Variants in JADE2 observed in about 807,000 individuals in gnomAD.
JADE2 encodes jade family PHD finger 2, also known as E3 ubiquitin-protein ligase Jade-2.
Under a neutral mutation model 85.7 loss-of-function variants are expected in JADE2, and 13 were observed. The observed-to-expected ratio is 0.15, with a 90% confidence interval of 0.10 to 0.24. JADE2 has a LOEUF of 0.24. Ranked by LOEUF, JADE2 falls within the 10% of genes least tolerant of loss-of-function variation. The pLI, the probability that JADE2 is intolerant of heterozygous loss-of-function variation, is 1.00. For missense variants in JADE2, 846 were observed against 1,115.9 expected, an observed-to-expected ratio of 0.76 and a Z score of 3.45; for synonymous variants, 440 against 456.1, an observed-to-expected ratio of 0.96 and a Z score of 0.45.
intron 7 of JADE2, among the ~76,000 whole-genome samples, chr5:134,563,242 C>T (rs987340753): frequency 1.3e-5 from 2 of 151,336 alleles, no homozygotes; most frequent in African/African-American, 2.4e-5. Context: ...CACTTGAACC[C>T]GAGAGACAGA....
At chr5:134,526,397 G>T in intron 1 of JADE2, 1 of 985,214 alleles carries the variant, frequency 1.0e-6, no homozygotes. Flanking sequence ...CGCGGGCTCC[G>T]GCCGGGCGTA....
Position 134,530,892 on chromosome 5 carries a change from T to C in JADE2, c.-1+4881T>C, listed in dbSNP as rs1561722001. On this transcript the variant is annotated intron_variant, in intron 1 of 11. Transcript: ENST00000681547. ...CAGCTGGACTGTGTGGTCCCGACAC[T>C]TCTTGGGGGAGGGAGCGAGAGCACA... is the stretch of plus-strand genomic sequence containing the variant. Among the ~76,000 whole-genome samples the C allele has an allele frequency of 2.6e-5, 4 of 152,236 alleles. No individual in the cohort carries two copies. The South Asian group carries it at 8.3e-4, about 32-fold the overall frequency.
chr5:134,534,784 G>A lies in JADE2; in HGVS notation c.1-1074G>A, dbSNP rs554784064. Among the ~76,000 whole-genome samples, 5 of 152,292 alleles carry A rather than the reference G, an allele frequency of 3.3e-5. No homozygotes were observed. In the South Asian group the frequency reaches 8.3e-4, roughly 25 times the overall value. On this transcript the variant is annotated intron_variant, in intron 1 of 11. Coordinates refer to ENST00000681547, the MANE Select transcript of JADE2 (RefSeq NM_001388185.1). Reference sequence around the variant, plus strand: ...CAGGGGAGCGTGCTCTGAACCCTGAGCCCCCAATGTGTTCCCACATTAGGA... The same window carrying A: ...CAGGGGAGCGTGCTCTGAACCCTGAACCCCCAATGTGTTCCCACATTAGGA...
chr5:134,535,676 C>G (rs1006467212), intron 1 of JADE2, among the ~76,000 whole-genome samples, 182 bp from the exon 2 acceptor site: 1 of 152,024 alleles, frequency 6.6e-6, no homozygotes, highest in Non-Finnish European at 1.5e-5. Context: ...TTTAGAATCC[C>G]AGGGCCTCTG....
rs1393177989 is a variant in JADE2 at position 134,581,380 on chromosome 5, A to T, written c.*2063A>T. 6.5e-6 allele frequency: 1 copy of T among 152,672 alleles called. No individual in the cohort carries two copies. The highest frequency in any genetic ancestry group is 6.5e-5 in the Admixed American group (1 of 15,276). 9.5% of individuals were successfully genotyped at this position (152,672 alleles called of 1,614,324 possible). On this transcript the variant is annotated 3_prime_UTR_variant, in exon 12 of 12. Coordinates refer to ENST00000681547, the MANE Select transcript of JADE2 (RefSeq NM_001388185.1). ...ATGCTTTGGGTCACCTCGGGCTGCA[A>T]CCCTGTCTGTGCCAGATTGCCCGGT...
At chr5:134,531,084 A>G (rs1761204148) in intron 1 of JADE2, among the ~76,000 whole-genome samples, 1 of 152,190 alleles carries the variant, frequency 6.6e-6, no homozygotes, top group South Asian at 2.1e-4. Context: ...ATTTCTTCAG[A>G]TAGTGTGATG....
intron 11 of JADE2, among the ~76,000 whole-genome samples, chr5:134,577,905 C>T (rs1334010342): frequency 6.6e-6 from 1 of 152,048 alleles, no homozygotes; most frequent in African/African-American, 2.4e-5. Context: ...TACCTGATCC[C>T]TTTATCCATG....
chr5:134,582,246 G>GT lies in JADE2; in HGVS notation c.*2932dup, dbSNP rs1249829255. 1.3e-5 allele frequency: 2 copies of GT among 152,210 alleles called. No individual in the cohort carries two copies. The highest frequency in any genetic ancestry group is 6.5e-5 in the Admixed American group (1 of 15,280). The allele number at this position is 152,210 out of a possible 1,614,324, so 9.4% of individuals were successfully genotyped here. ...AAATGAGAAGAAGAAAGGTAGAAGG[G>GT]TTTATTTTATTAAATGAGCCTGACT... On this transcript the variant is annotated 3_prime_UTR_variant, in exon 12 of 12. Transcript: ENST00000681547.
chr5:134,554,406 G>A (rs1237380705), intron 4 of JADE2, among the ~76,000 whole-genome samples: 1 of 152,124 alleles, frequency 6.6e-6, no homozygotes, highest in Non-Finnish European at 1.5e-5. Flanking sequence ...TGGGCACAGC[G>A]AGGTCAGTCT....
chr5:134,545,733 A>AAAACTTT (rs1278840224), intron 3 of JADE2, among the ~76,000 whole-genome samples: 2 of 152,228 alleles, frequency 1.3e-5, no homozygotes, highest in East Asian at 3.8e-4. Context: ...CGATATATGT[A>AAAACTTT]AAACTTTAAC....
chr5:134,531,434 A>T (rs927518918), intron 1 of JADE2, among the ~76,000 whole-genome samples: 61 of 152,008 alleles, frequency 4.0e-4, no homozygotes, highest in Non-Finnish European at 7.4e-4. Context: ...GCCTTTTAAA[A>T]TTTTTATTTT....
intron 1 of JADE2, among the ~76,000 whole-genome samples, chr5:134,529,019 A>G (rs1447591285): frequency 6.6e-6 from 1 of 152,174 alleles, no homozygotes; most frequent in East Asian, 1.9e-4. Context: ...GAGTATTGAC[A>G]CTGTATAGGC....
intron 10 of JADE2, chr5:134,575,585 G>C (rs1377309126): frequency 6.6e-6 from 1 of 152,172 alleles, no homozygotes; most frequent in Non-Finnish European, 1.5e-5. Context: ...TGCCTCCAGA[G>C]TATCTAGGCA....
chr5:134,550,131 T>C (rs1473934078), intron 3 of JADE2, among the ~76,000 whole-genome samples: 1 of 152,258 alleles, frequency 6.6e-6, no homozygotes, highest in African/African-American at 2.4e-5. Context: ...CATTCCATCT[T>C]CTGTTTAATT....
intron 4 of JADE2, among the ~76,000 whole-genome samples, chr5:134,555,373 G>A (rs569013802): frequency 1.4e-3 from 208 of 152,276 alleles, no homozygotes; most frequent in African/African-American, 4.7e-3. Flanking sequence ...GCCAGCTGAC[G>A]CCCTCCTCCC....
Position 134,578,379 on chromosome 5 carries a change from A to G in JADE2, c.1682-115A>G. 2 of 790,924 alleles carry G rather than the reference A, an allele frequency of 2.5e-6. No individual in the cohort carries two copies. Among genetic ancestry groups the G allele is most frequent in the South Asian group, 3.4e-5 (2 of 58,748 alleles). The allele number at this position is 790,924 out of a possible 1,614,324, so 49.0% of individuals were successfully genotyped here. A position where few individuals can be genotyped will look rare whatever the true frequency, so the allele number is the denominator to read the frequency against. On this transcript the variant is annotated intron_variant, in intron 11 of 11. Coordinates refer to ENST00000681547, the MANE Select transcript of JADE2 (RefSeq NM_001388185.1). The surrounding 1 kb of genome is among the most constrained non-coding windows in gnomAD (Gnocchi z 4.4). The stretch of plus-strand genomic sequence containing the variant: ...ACAAGATAGCTCACCTGGGTCTGGC[A>G]CAGGGGGACAGAGAGAAGACGATGC...
chr5:134,540,425 G>A (rs1393351254), intron 3 of JADE2, among the ~76,000 whole-genome samples: 12 of 149,536 alleles, frequency 8.0e-5, no homozygotes, highest in African/African-American at 3.0e-4. Context: ...GTAGAGACAA[G>A]GTCTCACTGT....
Position 134,562,443 on chromosome 5 carries a change from G to T in JADE2, c.852+76G>T. Reference sequence around the variant, plus strand: ...GGGTCTGCATGGGACTCAGGTAGCAGAGCACTGGGAAAAGAAGGTGATGGA... The same window carrying T: ...GGGTCTGCATGGGACTCAGGTAGCATAGCACTGGGAAAAGAAGGTGATGGA... On this transcript the variant is annotated intron_variant, in intron 7 of 11. Transcript: ENST00000681547. This position sits in a 1 kb window ranked among gnomAD's most constrained non-coding sequence, Gnocchi z 4.6. 1 of 1,414,698 alleles carries T rather than the reference G, an allele frequency of 7.1e-7. No individual in the cohort carries two copies. The highest frequency in any genetic ancestry group is 1.3e-5 in the South Asian group (1 of 76,596). 87.6% of individuals were successfully genotyped at this position (1,414,698 alleles called of 1,614,324 possible). A position where few individuals can be genotyped will look rare whatever the true frequency, so the allele number is the denominator to read the frequency against.
Position 134,573,773 on chromosome 5 carries a change from T to G in JADE2, c.1552+11T>G. On this transcript the variant is annotated intron_variant, in intron 10 of 11. Transcript: ENST00000681547. ...AGGATCTGTGTCGAGGTAGGCGCCT[T>G]CCCCACCTGCCGCCGCCACCTCCCT... 1 of 1,523,978 alleles carries G rather than the reference T, an allele frequency of 6.6e-7. No individual in the cohort carries two copies. Among genetic ancestry groups the G allele is most frequent in the Non-Finnish European group, 9.1e-7 (1 of 1,097,494 alleles). The allele number at this position is 1,523,978 out of a possible 1,614,324, so 94.4% of individuals were successfully genotyped here. A position where few individuals can be genotyped will look rare whatever the true frequency, so the allele number is the denominator to read the frequency against.
Sources: allele counts gnomAD v4.1 joint callset (sites outside exome capture counted in the v4.1 genomes callset), GRCh38; gene constraint gnomAD v4.1.1; non-coding constraint Gnocchi (gnomAD v3.1); transcripts MANE v1.5; gene names NCBI Gene and HGNC (gene_info 2026-07-23, HGNC 2026-07-21).